The following CSMD1 variants were observed in gnomAD, a reference collection of about 807,000 sequenced individuals.
CSMD1 encodes CUB and sushi domain-containing protein 1.
CSMD1 carries 213 observed loss-of-function variants against 417.5 expected under a neutral mutation model. The ratio of observed to expected loss-of-function variants is 0.51; its 90% confidence interval spans 0.46 to 0.57. The LOEUF (loss-of-function observed/expected upper bound fraction) is 0.57, where lower values mean the gene tolerates loss of function less well. Ranked by LOEUF, CSMD1 falls within the 20% of genes least tolerant of loss-of-function variation. The probability of loss-of-function intolerance (pLI) is 0.00; values close to 1 mark genes in which losing one functional copy is unlikely to be tolerated. For missense variants in CSMD1, 6,923 were observed against 4,529.7 expected (o/e 1.53, Z -15.17); for synonymous variants, 2,862 against 1,736.8 (o/e 1.65, Z -16.11).
chr8:4,765,347 T>C (rs564351243), intron 1 of CSMD1, among the ~76,000 whole-genome samples: 2 of 152,276 alleles, frequency 1.3e-5, no homozygotes, highest in East Asian at 1.9e-4. Flanking sequence ...ACTTCATTGT[T>C]CTCCACAAAA....
chr8:3,781,190 A>T (rs774789237), intron 5 of CSMD1, among the ~76,000 whole-genome samples: 38 of 152,212 alleles, frequency 2.5e-4, no homozygotes, highest in Non-Finnish European at 4.3e-4. Flanking sequence ...AACTCACAGT[A>T]CAAAGTGATA....
intron 29 of CSMD1, among the ~76,000 whole-genome samples, chr8:3,217,959 C>A (rs1797976313): frequency 6.6e-6 from 1 of 152,074 alleles, no homozygotes; most frequent in Non-Finnish European, 1.5e-5. Context: ...TTGTTAAGTC[C>A]TCTTCCCTAA....
intron 26 of CSMD1, among the ~76,000 whole-genome samples, chr8:3,282,950 C>G (rs1326801380): frequency 6.6e-6 from 1 of 151,986 alleles, no homozygotes; most frequent in African/African-American, 2.4e-5. Flanking sequence ...GTGTGCTGCC[C>G]AATAATATGG....
At chr8:3,793,246 G>C (rs1341808585) in intron 5 of CSMD1, among the ~76,000 whole-genome samples, 4 of 152,080 alleles carry the variant, frequency 2.6e-5, no homozygotes, top group African/African-American at 9.7e-5. Context: ...GACCTTAATG[G>C]TCATCAATCT....
At chr8:4,602,654 G>A (rs925538010) in intron 2 of CSMD1, among the ~76,000 whole-genome samples, 1 of 152,196 alleles carries the variant, frequency 6.6e-6, no homozygotes, top group Non-Finnish European at 1.5e-5. Context: ...GTTAGGGCAA[G>A]TGGCAAATAC....
At chr8:4,537,465 C>G (rs1234853772) in intron 2 of CSMD1, among the ~76,000 whole-genome samples, 2 of 152,020 alleles carry the variant, frequency 1.3e-5, no homozygotes, top group Non-Finnish European at 2.9e-5. Context: ...TTACTAATTG[C>G]TATAAGGCTA....
In CSMD1 at chr8:4,994,910, T is replaced by A. The variant is rs1250153583; in HGVS notation, c.-494A>T. ...CTAGTGGCACAAGGAGCCGCTGCCG[T>A]GGAGGCTGGACTCAACCATCCTTAC... On this transcript the variant is annotated 5_prime_UTR_variant, in exon 1 of 70. Transcript: ENST00000635120. 6.3e-6 allele frequency: 1 copy of A among 158,782 alleles called. No homozygotes were observed. The highest frequency in any genetic ancestry group is 2.4e-5 in the African/African-American group (1 of 41,478). 9.8% of individuals were successfully genotyped at this position (158,782 alleles called of 1,614,324 possible).
chr8:3,585,597 G>A (rs757733432), intron 9 of CSMD1, among the ~76,000 whole-genome samples: 3 of 151,998 alleles, frequency 2.0e-5, no homozygotes, highest in Non-Finnish European at 2.9e-5. Context: ...TGCTGACTTC[G>A]TATGTTTTAT....
chr8:3,185,772 A>C (rs1047918448), intron 36 of CSMD1, among the ~76,000 whole-genome samples: 2 of 152,196 alleles, frequency 1.3e-5, no homozygotes, highest in African/African-American at 4.8e-5. Flanking sequence ...ATAAACTGTG[A>C]GGTAGGTGCT....
intron 1 of CSMD1, among the ~76,000 whole-genome samples, chr8:4,870,282 A>G (rs533744630): frequency 6.6e-6 from 1 of 152,270 alleles, no homozygotes; most frequent in African/African-American, 2.4e-5. Context: ...CTTTTTATAT[A>G]TGGGTAAAAA....
intron 12 of CSMD1, among the ~76,000 whole-genome samples, chr8:3,430,105 A>T (rs1814124036): frequency 6.6e-6 from 1 of 152,190 alleles, no homozygotes; most frequent in African/African-American, 2.4e-5. Context: ...ACACACATGC[A>T]CATATACATA....
intron 3 of CSMD1, among the ~76,000 whole-genome samples, chr8:4,100,995 T>G (rs532073224): frequency 3.4e-4 from 52 of 152,266 alleles, no homozygotes; most frequent in Middle Eastern, 3.4e-3. Flanking sequence ...CTGAACTGCG[T>G]AGTCCTAGAA....
chr8:3,227,606 T>C (rs1310801938), intron 27 of CSMD1, among the ~76,000 whole-genome samples: 2 of 152,094 alleles, frequency 1.3e-5, no homozygotes, highest in Non-Finnish European at 2.9e-5. Flanking sequence ...AAATAGATAC[T>C]AGAGAGTGGC....
rs1192495552 is a variant in CSMD1, at chr8:4,415,497, T to G, written c.415+4456A>C. The stretch of plus-strand genomic sequence containing the variant: ...TGTGATGGCCTCTACATGGCCCACG[T>G]AGACCTGCTCTTTCCCTTGCTCTTC... On this transcript the variant is annotated intron_variant, in intron 3 of 69. Coordinates refer to ENST00000635120, the MANE Select transcript of CSMD1 (RefSeq NM_033225.6). Among the ~76,000 whole-genome samples, 3 of 152,146 alleles carry G rather than the reference T, an allele frequency of 2.0e-5. No individual in the cohort carries two copies. In the South Asian group the frequency reaches 6.2e-4, roughly 32 times the overall value.
rs577047775 is a variant in CSMD1 at position 4,834,835 on chromosome 8, T to G, written c.85+159497A>C. Reference sequence around the variant, plus strand: ...AGCCGGGCGTGGTGGTGGGCGCCTGTAATCCCAGCTACTTGGGAGGCTGAG... The same window carrying G: ...AGCCGGGCGTGGTGGTGGGCGCCTGGAATCCCAGCTACTTGGGAGGCTGAG... On this transcript the variant is annotated intron_variant, in intron 1 of 69. Coordinates refer to ENST00000635120, the MANE Select transcript of CSMD1 (RefSeq NM_033225.6). Among the ~76,000 whole-genome samples, 19 of 149,894 alleles carry G rather than the reference T, an allele frequency of 1.3e-4. No individual in the cohort carries two copies. The South Asian group carries it at 1.7e-3, about 13-fold the overall frequency.
chr8:4,192,012 T>A (rs1291400184), intron 3 of CSMD1, among the ~76,000 whole-genome samples: 2 of 152,188 alleles, frequency 1.3e-5, no homozygotes, highest in East Asian at 1.9e-4. Context: ...ATATGCAAGC[T>A]TCCCGCTGTT....
chr8:3,557,968 T>G (rs1477392221), intron 10 of CSMD1, among the ~76,000 whole-genome samples: 27 of 152,176 alleles, frequency 1.8e-4, no homozygotes, highest in Admixed American at 1.8e-3. Flanking sequence ...GTGCTACTAC[T>G]CCAATGATGA....
chr8:4,489,886 G>A (rs1380948705), intron 2 of CSMD1, among the ~76,000 whole-genome samples: 1 of 152,084 alleles, frequency 6.6e-6, no homozygotes, highest in African/African-American at 2.4e-5. Context: ...CCCAGACTAC[G>A]ACCCACAGAC....
At chr8:3,921,129 A>C (rs557024966) in intron 5 of CSMD1, among the ~76,000 whole-genome samples, 56 of 152,296 alleles carry the variant, frequency 3.7e-4, no homozygotes, top group African/African-American at 1.3e-3. Context: ...TTGAACACTG[A>C]CACATTTCCC....
Sources: gnomAD v4.1 joint callset for allele counts (sites outside exome capture counted in the v4.1 genomes callset) on GRCh38, gnomAD v4.1.1 for gene constraint, MANE v1.5 for transcripts, NCBI Gene and HGNC (gene_info 2026-07-23, HGNC 2026-07-21) for gene names.